Variants in OAS2 observed in about 807,000 individuals in gnomAD.
OAS2 encodes the protein 2'-5'-oligoadenylate synthase 2.
In OAS2, 67 loss-of-function variants were observed where a neutral mutation model predicts 71.3. The observed-to-expected ratio is 0.94, with a 90% CI of 0.77 to 1.15. OAS2 has a LOEUF of 1.15. OAS2 is among the 50% of genes most tolerant of loss of function. The probability of loss-of-function intolerance (pLI) is 0.00; values close to 1 mark genes in which losing one functional copy is unlikely to be tolerated. For missense variants in OAS2, 789 were observed against 822.5 expected, an observed-to-expected ratio of 0.96 and a Z score of 0.50; for synonymous variants, 327 against 321.8, an observed-to-expected ratio of 1.02 and a Z score of -0.17.
chr12:112,997,368 T>C, intron 3 of OAS2, 152 bp from the exon 4 acceptor site: 1 of 601,692 alleles, frequency 1.7e-6, no homozygotes, highest in African/African-American at 1.9e-5. Context: ...TCCACATCTT[T>C]GTCAAGACTT....
intron 4 of OAS2, 156 bp from the exon 5 acceptor site, chr12:112,998,110 C>T: frequency 1.3e-6 from 1 of 745,518 alleles, no homozygotes; most frequent in Non-Finnish European, 2.2e-6. Context: ...GCCAGAGGGG[C>T]TTGATGTCGT....
At position 112,997,539 on chromosome 12, in the gene OAS2, A is replaced by C. The variant is rs151331075; in HGVS notation, c.647A>C (p.Asp216Ala). Reference protein sequence around the residue: ...WHQQCQKKIKDLPSLSPYALE... With the variant: ...WHQQCQKKIKALPSLSPYALE... ...CCACAGTGCCAGAAAAAAATCAAGG[A>C]TTTACCCTCGCTGTCTCCGTATGCC... The change falls in exon 4 of 10, where the codon GAT (aspartate) becomes GCT (alanine). Residue 216 changes from aspartate to alanine, a missense_variant. Physicochemically the swap from Asp to Ala is moderately radical, Grantham distance 126 (BLOSUM62 -2). Transcript: ENST00000392583. The C allele has an allele frequency of 1.4e-5, 23 of 1,613,784 alleles. No individual in the cohort carries two copies. Among genetic ancestry groups the C allele is most frequent in the Non-Finnish European group, 1.9e-5 (22 of 1,179,902 alleles).
intron 9 of OAS2, 144 bp downstream of exon 9, chr12:113,008,087 C>A: frequency 2.9e-6 from 2 of 692,914 alleles, no homozygotes; most frequent in Non-Finnish European, 5.1e-6. Flanking sequence ...GTCACAGTCT[C>A]CAGGGATAAA....
chr12:112,997,487 C>A, intron 3 of OAS2, 33 bp from the exon 4 acceptor site: 1 of 1,573,896 alleles, frequency 6.4e-7, no homozygotes, highest in South Asian at 1.1e-5. Context: ...ACTAGATCCC[C>A]CAATGAGCTG....
At position 112,987,230 on chromosome 12, in the gene OAS2, C is replaced by T. The variant is rs1294327998; in HGVS notation, c.370C>T (p.Leu124Phe). Residue 124 changes from leucine to phenylalanine, a missense_variant, in exon 2 of 10, where the codon CTT (leucine) becomes TTT (phenylalanine). Transcript: ENST00000392583. ...LKNNFEIQKS[L>F]DGFTIQVFTK... is the part of the protein sequence containing the mutation. The stretch of plus-strand genomic sequence containing the variant: ...AAACAATTTCGAGATCCAGAAGTCC[C>T]TTGATGGGTTCACCATCCAGGTGTT... 1.2e-6 allele frequency: 2 copies of T among 1,614,184 alleles called. No individual in the cohort carries two copies. The highest frequency in any genetic ancestry group is 1.7e-5 in the Admixed American group (1 of 60,024).
In OAS2 at chr12:113,005,076, C is replaced by T. The variant is rs780629467; in HGVS notation, c.1322C>T (p.Ala441Val). ...AAGGAAATCCATGAACAGCTGAAAG[C>T]CTTTTGGAGGGAGAAGGAGGAGGAG... Reference protein sequence around the residue: ...IVKEIHEQLKAFWREKEEELE... With the variant: ...IVKEIHEQLKVFWREKEEELE... The change falls in exon 7 of 10, where the codon GCC becomes GTC. Residue 441 changes from alanine (A) to valine (V), a missense_variant. Ala to Val is a moderately conservative substitution (Grantham distance 64). Transcript: ENST00000392583. 43 of 1,614,002 alleles carry T rather than the reference C, an allele frequency of 2.7e-5. 1 individual carries two copies. In the Middle Eastern group the frequency reaches 1.3e-3, roughly 49 times the overall value.
In OAS2 at chr12:112,982,785, C is replaced by T. The variant is rs547047658; in HGVS notation, c.177+4000C>T. Reference sequence around the variant, plus strand: ...TCTTTATAAGTTTGGTAGAGTTCAGCAGTAAAGCCATCTAGTCCTGGGCTA... The same window carrying T: ...TCTTTATAAGTTTGGTAGAGTTCAGTAGTAAAGCCATCTAGTCCTGGGCTA... On this transcript the variant is annotated intron_variant, in intron 1 of 9. Coordinates refer to ENST00000392583, the MANE Select transcript of OAS2 (RefSeq NM_002535.3). Among the ~76,000 whole-genome samples the T allele has an allele frequency of 2.0e-5, 3 of 152,290 alleles. No individual in the cohort carries two copies. In the South Asian group the frequency reaches 6.2e-4, roughly 32 times the overall value.
At chr12:113,001,195 A>G (rs2044283803) in intron 5 of OAS2, among the ~76,000 whole-genome samples, 1 of 151,612 alleles carries the variant, frequency 6.6e-6, no homozygotes, top group South Asian at 2.1e-4. Flanking sequence ...ATAAATAAAT[A>G]AATTAGCTGT....
rs1489404667 is a variant in OAS2, at chr12:112,978,904, G to A, written c.177+119G>A. ...CGAGGCCCACACTTGGGTGGGATGT[G>A]GTGTAGGAGTCTCAGGCTCTGGAGC... On this transcript the variant is annotated intron_variant, in intron 1 of 9. Coordinates refer to ENST00000392583, the MANE Select transcript of OAS2 (RefSeq NM_002535.3). This position sits in a 1 kb window ranked among gnomAD's most constrained non-coding sequence, Gnocchi z 4.2. The A allele has an allele frequency of 1.1e-6, 1 of 946,722 alleles. No homozygotes were observed. 58.6% of individuals were successfully genotyped at this position (946,722 alleles called of 1,614,324 possible).
At position 113,006,489 on chromosome 12, in the gene OAS2, C is replaced by G. The variant is rs768325492; in HGVS notation, c.1545C>G (p.Leu515=). 3 of 1,613,562 alleles carry G rather than the reference C, an allele frequency of 1.9e-6. No individual in the cohort carries two copies. Among genetic ancestry groups the G allele is most frequent in the South Asian group, 1.1e-5 (1 of 91,040 alleles). The change falls in exon 8 of 10, where the codon CTC becomes CTG. Residue 515 remains leucine (L), a synonymous_variant. Coordinates refer to ENST00000392583, the MANE Select transcript of OAS2 (RefSeq NM_002535.3). ...TTGATCTGTATAAATCCTCGGACCT[C>G]CCGGGAGGAGAGTTTTCTACCTGTT... The part of the protein sequence containing the change: ...GLIDLYKSSD[L]PGGEFSTCFT...
At chr12:112,991,465 C>A (rs538968699) in intron 2 of OAS2, among the ~76,000 whole-genome samples, 3 of 152,204 alleles carry the variant, frequency 2.0e-5, no homozygotes, top group African/African-American at 7.2e-5. Flanking sequence ...TGCTTTTGTA[C>A]GTTTTAGGGA....
At chr12:112,999,548 G>C (rs995952196) in intron 5 of OAS2, among the ~76,000 whole-genome samples, 2 of 152,184 alleles carry the variant, frequency 1.3e-5, no homozygotes, top group Admixed American at 6.5e-5. Flanking sequence ...AGATGTAAAT[G>C]AGTTTAGCAA....
At chr12:112,988,812 A>G in intron 2 of OAS2, 1 of 800,368 alleles carries the variant, frequency 1.2e-6, no homozygotes, top group Non-Finnish European at 1.5e-6. Context: ...CATACTCTGT[A>G]CCTGCCTTGA....
At chr12:112,990,778 C>T (rs1370182210) in intron 2 of OAS2, among the ~76,000 whole-genome samples, 1 of 152,098 alleles carries the variant, frequency 6.6e-6, no homozygotes, top group African/African-American at 2.4e-5. Flanking sequence ...AGAGTCTGTT[C>T]TGTCAGTCTT....
intron 2 of OAS2, chr12:112,988,575 G>A: frequency 1.0e-6 from 1 of 981,064 alleles, no homozygotes; most frequent in Non-Finnish European, 1.2e-6. Flanking sequence ...GAAATTTTAG[G>A]CCAAACTTAA....
intron 3 of OAS2, among the ~76,000 whole-genome samples, chr12:112,996,157 C>T (rs923506612): frequency 2.0e-5 from 3 of 152,162 alleles, no homozygotes; most frequent in African/African-American, 4.8e-5. Flanking sequence ...ATGTAACACA[C>T]ATTTATCCAT....
intron 8 of OAS2, among the ~76,000 whole-genome samples, chr12:113,007,091 G>T (rs1375058894): frequency 6.6e-6 from 1 of 152,192 alleles, no homozygotes; most frequent in African/African-American, 2.4e-5. Context: ...TTCATGCACT[G>T]TAGGGTGCTG....
chr12:112,988,563 G>C (rs1455579775), intron 2 of OAS2: 3 of 962,018 alleles, frequency 3.1e-6, no homozygotes, highest in African/African-American at 1.8e-5. Flanking sequence ...ACCATGTACA[G>C]AGAAATTTTA....
chr12:112,995,538 C>A, intron 3 of OAS2, 64 bp downstream of exon 3: 1 of 1,453,426 alleles, frequency 6.9e-7, no homozygotes, highest in Non-Finnish European at 9.5e-7. Flanking sequence ...TAATTGACAT[C>A]CAGTAAAGTG....
Sources: allele counts gnomAD v4.1 joint callset (sites outside exome capture counted in the v4.1 genomes callset), GRCh38; gene constraint gnomAD v4.1.1; non-coding constraint Gnocchi (gnomAD v3.1); transcripts MANE v1.5; gene names NCBI Gene and HGNC (gene_info 2026-07-23, HGNC 2026-07-21).